Variants in VWC2L observed in about 807,000 individuals in gnomAD.
VWC2L encodes von Willebrand factor C domain-containing protein 2-like.
In VWC2L, 10 loss-of-function variants were observed where a neutral mutation model predicts 21.6. The ratio of observed to expected loss-of-function variants is 0.46; its 90% CI spans 0.29 to 0.78. VWC2L has a LOEUF of 0.78. Ranked by LOEUF, VWC2L falls within the 30% of genes least tolerant of loss-of-function variation. The pLI is 0.10. For missense variants in VWC2L, 209 were observed against 277.1 expected, an observed-to-expected ratio of 0.75 and a Z score of 1.74; for synonymous variants, 96 against 94.3, an observed-to-expected ratio of 1.02 and a Z score of -0.10.
intron 3 of VWC2L, among the ~76,000 whole-genome samples, chr2:214,545,375 T>C (rs528352889): frequency 3.5e-4 from 53 of 152,150 alleles, no homozygotes; most frequent in Non-Finnish European, 6.0e-4. Context: ...CTCTAGAAAA[T>C]ATGGAATTAC....
intron 3 of VWC2L, among the ~76,000 whole-genome samples, chr2:214,499,323 A>G (rs1361115384): frequency 6.6e-6 from 1 of 151,544 alleles, no homozygotes; most frequent in Non-Finnish European, 1.5e-5. Flanking sequence ...CAGCCATACC[A>G]CTCTGTTTCT....
At position 214,572,217 on chromosome 2, in the gene VWC2L, C is replaced by T. The variant is rs138140946; in HGVS notation, c.521-3455C>T. Among the ~76,000 whole-genome samples the T allele has an allele frequency of 2.0e-5, 3 of 152,308 alleles. No homozygotes were observed. In the East Asian group the frequency reaches 5.8e-4, roughly 29 times the overall value. On this transcript the variant is annotated intron_variant, in intron 3 of 3. Coordinates refer to ENST00000312504, the MANE Select transcript of VWC2L (RefSeq NM_001080500.4). ...TTCAATTCATTGAGAATCAATATGT[C>T]TCCATTTTCTCTTATTCTAGACCCC...
chr2:214,571,463 C>A (rs534219084), intron 3 of VWC2L, among the ~76,000 whole-genome samples: 2 of 152,316 alleles, frequency 1.3e-5, no homozygotes, highest in East Asian at 3.9e-4. Flanking sequence ...TGTTTTCATT[C>A]ATTATCAAAT....
intron 3 of VWC2L, among the ~76,000 whole-genome samples, chr2:214,553,605 T>C (rs967882850): frequency 2.0e-5 from 3 of 152,124 alleles, no homozygotes; most frequent in African/African-American, 7.2e-5. Flanking sequence ...AGAGAATAGA[T>C]TGTAAATGTT....
At chr2:214,422,305 G>GTA (rs1702455344) in intron 2 of VWC2L, among the ~76,000 whole-genome samples, 1 of 151,804 alleles carries the variant, frequency 6.6e-6, no homozygotes, top group Admixed American at 6.6e-5. Context: ...TAATTTGTGT[G>GTA]TGTGTGTGTG....
At chr2:214,428,539 AAT>A (rs753836369) in intron 2 of VWC2L, among the ~76,000 whole-genome samples, 6 of 152,274 alleles carry the variant, frequency 3.9e-5, no homozygotes, top group Non-Finnish European at 8.8e-5. Flanking sequence ...TTTAAATTAA[AAT>A]ATGTTTTCAT....
chr2:214,416,729 T>C (rs905104081), intron 2 of VWC2L, among the ~76,000 whole-genome samples: 2 of 151,954 alleles, frequency 1.3e-5, no homozygotes, highest in East Asian at 3.9e-4. Flanking sequence ...TTGAATGGAG[T>C]TCTTAAACTT....
At chr2:214,455,906 G>A (rs1405238217) in intron 3 of VWC2L, among the ~76,000 whole-genome samples, 2 of 152,038 alleles carry the variant, frequency 1.3e-5, no homozygotes, top group Non-Finnish European at 2.9e-5. Flanking sequence ...GTATTTCATT[G>A]TGTACAGATA....
chr2:214,577,573 C>T lies in VWC2L; in HGVS notation c.*1753C>T, dbSNP rs1368497282. Reference sequence around the variant, plus strand: ...GGACACAGTAGGCAAGCTCTAGCAGCACCTGTGGCTTTTGTGAGCTTCTGA... The same window carrying T: ...GGACACAGTAGGCAAGCTCTAGCAGTACCTGTGGCTTTTGTGAGCTTCTGA... On this transcript the variant is annotated 3_prime_UTR_variant, in exon 4 of 4. Transcript: ENST00000312504. 1 of 152,292 alleles carries T rather than the reference C, an allele frequency of 6.6e-6. No individual in the cohort carries two copies. The highest frequency in any genetic ancestry group is 1.5e-5 in the Non-Finnish European group (1 of 68,142). The allele number at this position is 152,292 out of a possible 1,614,324, so 9.4% of individuals were successfully genotyped here.
chr2:214,573,244 C>T (rs1018010734), intron 3 of VWC2L, among the ~76,000 whole-genome samples: 4 of 151,208 alleles, frequency 2.6e-5, no homozygotes, highest in African/African-American at 7.3e-5. Flanking sequence ...CATACACATA[C>T]ACACACACAC....
intron 3 of VWC2L, among the ~76,000 whole-genome samples, chr2:214,443,345 CTGAG>C (rs1702789957): frequency 6.6e-6 from 1 of 151,756 alleles, no homozygotes; most frequent in Non-Finnish European, 1.5e-5. Flanking sequence ...GCACTACAGC[CTGAG>C]TGACAGAGCA....
intron 3 of VWC2L, among the ~76,000 whole-genome samples, chr2:214,495,778 G>T (rs1688803689): frequency 6.6e-6 from 1 of 152,058 alleles, no homozygotes; most frequent in Admixed American, 6.6e-5. Flanking sequence ...CTCTCAAGCT[G>T]TATTATTTTA....
At chr2:214,538,500 AT>A (rs1689573493) in intron 3 of VWC2L, among the ~76,000 whole-genome samples, 1 of 152,010 alleles carries the variant, frequency 6.6e-6, no homozygotes, top group Admixed American at 6.6e-5. Context: ...CTGGATAAAA[AT>A]TTTCTAACTA....
At chr2:214,460,776 G>C (rs1190269276) in intron 3 of VWC2L, among the ~76,000 whole-genome samples, 1 of 151,140 alleles carries the variant, frequency 6.6e-6, no homozygotes, top group Non-Finnish European at 1.5e-5. Flanking sequence ...TTTTTCATTG[G>C]AATGTGTTAC....
At chr2:214,484,107 C>G (rs1165505283) in intron 3 of VWC2L, among the ~76,000 whole-genome samples, 1 of 152,132 alleles carries the variant, frequency 6.6e-6, no homozygotes, top group Non-Finnish European at 1.5e-5. Flanking sequence ...ATGGCCTGCT[C>G]CCCTATGCGC....
chr2:214,566,984 C>A (rs911589056), intron 3 of VWC2L, among the ~76,000 whole-genome samples: 1 of 152,084 alleles, frequency 6.6e-6, no homozygotes, highest in Non-Finnish European at 1.5e-5. Context: ...GGCCTACAAG[C>A]CTACTATTAG....
At chr2:214,505,814 A>T (rs115430884) in intron 3 of VWC2L, among the ~76,000 whole-genome samples, 31 of 152,308 alleles carry the variant, frequency 2.0e-4, no homozygotes, top group Non-Finnish European at 3.7e-4. Context: ...AGGTATAAAA[A>T]ATGTTCCCAT....
intron 3 of VWC2L, among the ~76,000 whole-genome samples, chr2:214,529,400 G>C (rs1038588788): frequency 5.9e-5 from 9 of 152,080 alleles, no homozygotes; most frequent in African/African-American, 2.2e-4. Flanking sequence ...GCTACCATTT[G>C]CCTTTTCAAT....
At chr2:214,505,691 T>A (rs923662229) in intron 3 of VWC2L, among the ~76,000 whole-genome samples, 7 of 152,204 alleles carry the variant, frequency 4.6e-5, no homozygotes, top group African/African-American at 1.7e-4. Flanking sequence ...TCTTATAAAA[T>A]TATCCTTTAT....
Sources: gnomAD v4.1 joint callset for allele counts (sites outside exome capture counted in the v4.1 genomes callset) on GRCh38, gnomAD v4.1.1 for gene constraint, MANE v1.5 for transcripts, NCBI Gene and HGNC (gene_info 2026-07-23, HGNC 2026-07-21) for gene names.